Variants in PEX14 observed in about 807,000 individuals in gnomAD.
The protein encoded by PEX14 is peroxisomal biogenesis factor 14, also known as peroxisomal membrane protein PEX14.
PEX14 carries 15 observed loss-of-function variants against 49.5 expected under a neutral mutation model. The ratio of observed to expected loss-of-function variants is 0.30; its 90% CI spans 0.20 to 0.47. PEX14 has a LOEUF of 0.47. Among genes scored for constraint, PEX14 ranks in the 20% least tolerant of loss-of-function variants. PEX14 has a pLI of 1.00. For missense variants in PEX14, 398 were observed against 494.8 expected, an observed-to-expected ratio of 0.80 and a Z score of 1.86; for synonymous variants, 210 against 212.7, an observed-to-expected ratio of 0.99 and a Z score of 0.11.
chr1:10,553,399 G>A (rs1186412858), intron 3 of PEX14, among the ~76,000 whole-genome samples: 4 of 152,190 alleles, frequency 2.6e-5, no homozygotes, highest in Non-Finnish European at 5.9e-5. Flanking sequence ...CTGTCACGTG[G>A]TTAGTGGTTG....
intron 3 of PEX14, among the ~76,000 whole-genome samples, chr1:10,588,226 A>G (rs548790617): frequency 1.8e-4 from 27 of 152,240 alleles, no homozygotes; most frequent in Middle Eastern, 6.8e-3. Flanking sequence ...TCTCAAAAAA[A>G]AAAAGACATG....
At chr1:10,571,583 C>T (rs1023731535) in intron 3 of PEX14, among the ~76,000 whole-genome samples, 62 of 151,922 alleles carry the variant, frequency 4.1e-4, no homozygotes, top group Non-Finnish European at 2.4e-4. Flanking sequence ...CCGAGGCGGG[C>T]GGATCACTTG....
Position 10,492,618 on chromosome 1 carries a change from A to G in PEX14, c.37-2656A>G, listed in dbSNP as rs367714146. On this transcript the variant is annotated intron_variant, in intron 1 of 8. Coordinates refer to ENST00000356607, the MANE Select transcript of PEX14 (RefSeq NM_004565.3). ...AGCTAAGTGAATGTTAGCACTTAGT[A>G]TCTAGCAAATGGAGTAGAGGAAACC... Among the ~76,000 whole-genome samples, 4 of 152,238 alleles carry G rather than the reference A, an allele frequency of 2.6e-5. No homozygotes were observed. The East Asian group carries it at 5.8e-4, about 22-fold the overall frequency.
chr1:10,629,954 C>G lies in PEX14; in HGVS notation c.1101C>G (p.Pro367=). 1.2e-6 allele frequency: 2 copies of G among 1,611,240 alleles called. No individual in the cohort carries two copies. Among genetic ancestry groups the G allele is most frequent in the Non-Finnish European group, 1.7e-6 (2 of 1,179,622 alleles). The change falls in exon 9 of 9, where the codon CCC becomes CCG. Residue 367 remains proline (P), a synonymous_variant. Coordinates refer to ENST00000356607, the MANE Select transcript of PEX14 (RefSeq NM_004565.3). This position sits in a 1 kb window ranked among gnomAD's most constrained non-coding sequence, Gnocchi z 8.5. ...AGCAGGTGGAGAAGCTGCGGCGGCC[C>G]GAGGGCGCCAGCAACGAGAGTGAGC... is the stretch of plus-strand genomic sequence containing the variant. ...INEQVEKLRR[P]EGASNESERD
At chr1:10,621,317 T>C (rs1038497810) in intron 5 of PEX14, among the ~76,000 whole-genome samples, 2 of 151,768 alleles carry the variant, frequency 1.3e-5, no homozygotes, top group Non-Finnish European at 2.9e-5. Context: ...GGGTGTTTAG[T>C]TGGTTACACA....
chr1:10,550,696 G>A (rs969812104), intron 3 of PEX14, among the ~76,000 whole-genome samples: 5 of 152,152 alleles, frequency 3.3e-5, no homozygotes, highest in Non-Finnish European at 5.9e-5. Context: ...CTCAAAAAGT[G>A]TAAACATGGG....
chr1:10,510,046 G>A (rs1641855849), intron 2 of PEX14, among the ~76,000 whole-genome samples: 1 of 152,164 alleles, frequency 6.6e-6, no homozygotes, highest in South Asian at 2.1e-4. Context: ...CCCAGGGATG[G>A]TTTGTGGTTG....
At chr1:10,510,486 A>G (rs1641863147) in intron 2 of PEX14, among the ~76,000 whole-genome samples, 1 of 152,188 alleles carries the variant, frequency 6.6e-6, no homozygotes, top group Admixed American at 6.5e-5. Flanking sequence ...TTGCTCTGGC[A>G]TGGAGAAGGA....
intron 2 of PEX14, among the ~76,000 whole-genome samples, chr1:10,497,960 T>G (rs1325610346): frequency 6.6e-6 from 1 of 152,224 alleles, no homozygotes; most frequent in Non-Finnish European, 1.5e-5. Context: ...ATGATCACTT[T>G]GAAATAATTT....
intron 4 of PEX14, among the ~76,000 whole-genome samples, chr1:10,602,677 G>A (rs1005392216): frequency 6.6e-6 from 1 of 152,146 alleles, no homozygotes; most frequent in African/African-American, 2.4e-5. Flanking sequence ...TGGAGTGAGG[G>A]AAAAATCTGA....
intron 1 of PEX14, among the ~76,000 whole-genome samples, chr1:10,476,887 T>C (rs1303341716): frequency 6.6e-6 from 1 of 152,106 alleles, no homozygotes; most frequent in African/African-American, 2.4e-5. Flanking sequence ...AAGGATTCTT[T>C]TGGTTTTGCA....
At chr1:10,620,375 T>G (rs1042346890) in intron 5 of PEX14, among the ~76,000 whole-genome samples, 3 of 152,086 alleles carry the variant, frequency 2.0e-5, no homozygotes, top group Admixed American at 6.5e-5. Flanking sequence ...CCAGCTATAC[T>G]CGGGAGGCTG....
Position 10,623,615 on chromosome 1 carries a change from C to T in PEX14, c.487+494C>T, listed in dbSNP as rs74680345. ...GGCCCAGATTAGCTGGGACCTGTCG[C>T]GCCAGAGGTGGCTTCTCTTCTTTAT... is the stretch of plus-strand genomic sequence containing the variant. On this transcript the variant is annotated intron_variant, in intron 6 of 8. Transcript: ENST00000356607. This position sits in a 1 kb window ranked among gnomAD's most constrained non-coding sequence, Gnocchi z 4.4. 0.016 allele frequency among the ~76,000 whole-genome samples: 2,410 copies of T among 152,306 alleles called. 26 individuals are homozygous for T. The highest frequency in any genetic ancestry group is 0.022 in the Non-Finnish European group (1,472 of 68,016).
Position 10,527,579 on chromosome 1 carries a change from C to CT in PEX14, c.85-8625dup, listed in dbSNP as rs907566886. On this transcript the variant is annotated intron_variant, in intron 2 of 8. Coordinates refer to ENST00000356607, the MANE Select transcript of PEX14 (RefSeq NM_004565.3). ...AACTCATTCTAGGCTATGAGTAGTT[C>CT]TTTTTTTTTGTATTCAAATTTATTT... Among the ~76,000 whole-genome samples, 15 of 148,788 alleles carry CT rather than the reference C, an allele frequency of 1.0e-4. 1 individual carries two copies. Among genetic ancestry groups the CT allele is most frequent in the East Asian group, 4.0e-4 (2 of 5,010 alleles).
intron 3 of PEX14, among the ~76,000 whole-genome samples, chr1:10,563,805 G>A (rs960839767): frequency 6.6e-6 from 1 of 151,872 alleles, no homozygotes; most frequent in East Asian, 1.9e-4. Flanking sequence ...CCAGCTACTC[G>A]GGAGGCTGAG....
intron 2 of PEX14, among the ~76,000 whole-genome samples, chr1:10,534,612 C>T (rs923175822): frequency 2.6e-5 from 4 of 152,038 alleles, no homozygotes; most frequent in Non-Finnish European, 4.4e-5. Flanking sequence ...TCTAGAATCT[C>T]GAGCATTCAT....
At chr1:10,490,228 C>T (rs900501686) in intron 1 of PEX14, among the ~76,000 whole-genome samples, 8 of 151,836 alleles carry the variant, frequency 5.3e-5, no homozygotes, top group Admixed American at 2.6e-4. Context: ...TTGGTGGGAT[C>T]GAATCTTATT....
intron 4 of PEX14, among the ~76,000 whole-genome samples, chr1:10,602,823 C>G (rs560385372): frequency 2.8e-4 from 42 of 152,278 alleles, no homozygotes; most frequent in Admixed American, 3.9e-4. Flanking sequence ...TTGTCTGCGT[C>G]GGGAGGGATT....
chr1:10,511,055 C>CAG (rs1641874447), intron 2 of PEX14, among the ~76,000 whole-genome samples: 1 of 150,942 alleles, frequency 6.6e-6, no homozygotes, highest in Non-Finnish European at 1.5e-5. Context: ...AGCTGTGGTG[C>CAG]ACCGATAGGC....
Sources: allele counts gnomAD v4.1 joint callset (sites outside exome capture counted in the v4.1 genomes callset), GRCh38; gene constraint gnomAD v4.1.1; non-coding constraint Gnocchi (gnomAD v3.1); transcripts MANE v1.5; gene names NCBI Gene and HGNC (gene_info 2026-07-23, HGNC 2026-07-21).